The following CNTN6 variants were observed in gnomAD, a reference collection of about 807,000 sequenced individuals.
The protein encoded by CNTN6 is contactin 6, also known as contactin-6.
Under a neutral mutation model 122.8 loss-of-function variants are expected in CNTN6, and 137 were observed. The ratio of observed to expected loss-of-function variants is 1.12; its 90% CI spans 0.97 to 1.29. The LOEUF is 1.29. CNTN6 is among the 50% of genes most tolerant of loss of function. The probability of loss-of-function intolerance (pLI) is 0.00; values close to 1 mark genes in which losing one functional copy is unlikely to be tolerated. For synonymous variants in CNTN6, 570 were observed against 426.0 expected (o/e 1.34, Z -4.16); for missense variants, 1,634 against 1,223.4 (o/e 1.34, Z -5.01).
At chr3:1,111,862 T>C (rs2091496019) in intron 1 of CNTN6, among the ~76,000 whole-genome samples, 1 of 152,156 alleles carries the variant, frequency 6.6e-6, no homozygotes, top group African/African-American at 2.4e-5. Context: ...AGTATGCTTG[T>C]TGTAAGTAGA....
At chr3:1,383,638 TAAAAAAACAAAA>T (rs1466628651) in intron 19 of CNTN6, among the ~76,000 whole-genome samples, 137 of 148,944 alleles carry the variant, frequency 9.2e-4, no homozygotes, top group African/African-American at 3.2e-3. Flanking sequence ...GAGCCAGTGG[TAAAAAAACAAAA>T]ACAAAAACAA....
rs192008611 is a variant in CNTN6 at position 1,325,977 on chromosome 3, G to C, written c.1083+26G>C. ...GTAAGCAACTATGTTGATATTAAAA[G>C]TTTACCTACTCTACTAGGTAAATTT... is the stretch of plus-strand genomic sequence containing the variant. On this transcript the variant is annotated intron_variant, in intron 9 of 22. Transcript: ENST00000446702. 473 of 1,593,920 alleles carry C rather than the reference G, an allele frequency of 3.0e-4. No individual in the cohort carries two copies. The Admixed American group carries it at 5.5e-3, about 18-fold the overall frequency.
At chr3:1,382,868 T>A (rs1559980360) in intron 17 of CNTN6, 74 bp from the exon 18 acceptor site, 2 of 985,370 alleles carry the variant, frequency 2.0e-6, no homozygotes, top group East Asian at 2.5e-5. Flanking sequence ...AAATGTGAAA[T>A]AATCAATAAA....
At chr3:1,300,266 G>A (rs1395643498) in intron 7 of CNTN6, among the ~76,000 whole-genome samples, 7 of 152,242 alleles carry the variant, frequency 4.6e-5, no homozygotes, top group African/African-American at 1.7e-4. Context: ...GATGACAGGC[G>A]TGAGCCACTG....
At chr3:1,110,699 TGAGGAGCAGG>T (rs2091441298) in intron 1 of CNTN6, among the ~76,000 whole-genome samples, 1 of 151,928 alleles carries the variant, frequency 6.6e-6, no homozygotes, top group Admixed American at 6.6e-5. Flanking sequence ...AAAAAAAATA[TGAGGAGCAGG>T]TTTGACAATG....
intron 1 of CNTN6, among the ~76,000 whole-genome samples, chr3:1,106,012 A>C (rs2091202937): frequency 1.3e-5 from 2 of 152,180 alleles, no homozygotes; most frequent in Non-Finnish European, 2.9e-5. Context: ...TGAAGCAGTC[A>C]GGAAATGTAA....
chr3:1,249,558 A>G (rs987819209), intron 4 of CNTN6, among the ~76,000 whole-genome samples: 1 of 152,222 alleles, frequency 6.6e-6, no homozygotes, highest in African/African-American at 2.4e-5. Flanking sequence ...ATGACAGAAA[A>G]TGCAAATAAG....
At chr3:1,147,865 A>G in intron 1 of CNTN6, 62 bp from the exon 2 acceptor site, 1 of 550,192 alleles carries the variant, frequency 1.8e-6, no homozygotes, top group Non-Finnish European at 3.3e-6. Context: ...CAACAAAAAT[A>G]TGCTTATTAA....
intron 5 of CNTN6, among the ~76,000 whole-genome samples, chr3:1,290,478 G>C (rs1695144688): frequency 1.3e-5 from 2 of 152,126 alleles, no homozygotes; most frequent in Non-Finnish European, 2.9e-5. Context: ...TAGAAAAAGA[G>C]GATCAATTGT....
rs554884230 is a variant in CNTN6, at chr3:1,284,521, G to A, written c.454+6013G>A. The stretch of plus-strand genomic sequence containing the variant: ...CGATAATAACCGTATTATTGAACTT[G>A]TACACTGGGTATTCACTCAACAAAT... On this transcript the variant is annotated intron_variant, in intron 5 of 22. Coordinates refer to ENST00000446702, the MANE Select transcript of CNTN6 (RefSeq NM_001289080.2). 1.3e-3 allele frequency among the ~76,000 whole-genome samples: 193 copies of A among 152,208 alleles called. 1 individual carries two copies. Among genetic ancestry groups the A allele is most frequent in the Middle Eastern group, 3.4e-3 (1 of 294 alleles).
At chr3:1,403,009 A>G (rs1278306503) in intron 22 of CNTN6, among the ~76,000 whole-genome samples, 1 of 152,102 alleles carries the variant, frequency 6.6e-6, no homozygotes, top group Non-Finnish European at 1.5e-5. Context: ...TGCATTAGAA[A>G]AATCACTTAC....
chr3:1,335,050 T>G (rs1340528693), intron 11 of CNTN6, among the ~76,000 whole-genome samples: 1 of 152,154 alleles, frequency 6.6e-6, no homozygotes, highest in Non-Finnish European at 1.5e-5. Context: ...TATGATAATG[T>G]TTTTCTTTAA....
intron 17 of CNTN6, 51 bp downstream of exon 17, chr3:1,377,126 C>A: frequency 8.0e-7 from 1 of 1,246,752 alleles, no homozygotes. Flanking sequence ...TTTAACTGGC[C>A]AGAAAGAAAC....
At chr3:1,295,078 C>T (rs1695980075) in intron 5 of CNTN6, among the ~76,000 whole-genome samples, 1 of 152,068 alleles carries the variant, frequency 6.6e-6, no homozygotes, top group Non-Finnish European at 1.5e-5. Context: ...CATAGTGAGA[C>T]CCCATCTCTT....
At chr3:1,319,173 A>G (rs1700508488) in intron 7 of CNTN6, among the ~76,000 whole-genome samples, 1 of 151,650 alleles carries the variant, frequency 6.6e-6, no homozygotes, top group Non-Finnish European at 1.5e-5. Flanking sequence ...GGAATGATCT[A>G]ATTAGGTTTG....
At chr3:1,278,575 G>C in intron 5 of CNTN6, 67 bp downstream of exon 5, 3 of 1,068,990 alleles carry the variant, frequency 2.8e-6, no homozygotes, top group Non-Finnish European at 4.2e-6. Context: ...AGCACATCAG[G>C]TCTTAGGCTC....
chr3:1,310,483 TA>T (rs764068181), intron 7 of CNTN6, among the ~76,000 whole-genome samples: 37 of 152,290 alleles, frequency 2.4e-4, no homozygotes, highest in Non-Finnish European at 4.4e-5. Flanking sequence ...TTGTGGTGCA[TA>T]AGTCTTTTTA....
At chr3:1,346,040 C>T (rs183703651) in intron 11 of CNTN6, among the ~76,000 whole-genome samples, 116 of 151,324 alleles carry the variant, frequency 7.7e-4, no homozygotes, top group African/African-American at 2.6e-3. Context: ...TGTCCTCAAA[C>T]TTTGTACAAA....
chr3:1,400,272 ATG>A (rs1435396015), intron 20 of CNTN6, among the ~76,000 whole-genome samples: 1 of 152,090 alleles, frequency 6.6e-6, no homozygotes, highest in African/African-American at 2.4e-5. Flanking sequence ...AAAAATAGTC[ATG>A]TGGACTCAGA....
Sources: gnomAD v4.1 joint callset for allele counts (sites outside exome capture counted in the v4.1 genomes callset) on GRCh38, gnomAD v4.1.1 for gene constraint, MANE v1.5 for transcripts, NCBI Gene and HGNC (gene_info 2026-07-23, HGNC 2026-07-21) for gene names.